PLAC1: variants seen among roughly 807,000 people sequenced by gnomAD.
The protein encoded by PLAC1 is placenta associated 1, also known as placenta-specific protein 1.
For synonymous variants in PLAC1, 68 were observed against 62.1 expected (o/e 1.09, Z -0.44); for missense variants, 136 against 163.2 (o/e 0.83, Z 0.91).
chrX:134,684,850 CA>C (rs2078510857), intron 2 of PLAC1, among the ~76,000 whole-genome samples: 2 of 112,031 alleles, frequency 1.8e-5, no homozygotes, highest in South Asian at 7.4e-4. Flanking sequence ...TGGACATGGT[CA>C]TCTATTTCAG....
chrX:134,746,950 G>T (rs2078730507), intron 1 of PLAC1, among the ~76,000 whole-genome samples: 1 of 111,779 alleles, frequency 8.9e-6, no homozygotes. Context: ...ATGTTCAAGG[G>T]GCTACAGGGT....
intron 2 of PLAC1, among the ~76,000 whole-genome samples, chrX:134,674,575 G>A (rs1427826621): frequency 8.9e-6 from 1 of 112,538 alleles, no homozygotes; most frequent in Non-Finnish European, 1.9e-5. Context: ...TGACCCACAA[G>A]CATCTGTGGT....
chrX:134,572,159 TACAAG>T (rs2077911285), intron 2 of PLAC1, among the ~76,000 whole-genome samples: 1 of 111,636 alleles, frequency 9.0e-6, no homozygotes, highest in Admixed American at 9.6e-5. Flanking sequence ...AAGATTCTTT[TACAAG>T]ACAAGAACGG....
intron 2 of PLAC1, among the ~76,000 whole-genome samples, chrX:134,684,411 T>TAAA (rs10606569): frequency 2.3e-4 from 19 of 80,971 alleles, no homozygotes; most frequent in African/African-American, 3.6e-4. Flanking sequence ...GCTCTGCCAC[T>TAAA]AAAAAAAAAA....
At chrX:134,742,385 C>T (rs927058263) in intron 1 of PLAC1, among the ~76,000 whole-genome samples, 4 of 111,723 alleles carry the variant, frequency 3.6e-5, no homozygotes, top group African/African-American at 1.3e-4. Context: ...GTCAGGTGTT[C>T]GAGACCAGCC....
chrX:134,602,739 A>C (rs1389636627), intron 1 of PLAC1, among the ~76,000 whole-genome samples: 1 of 110,680 alleles, frequency 9.0e-6, no homozygotes, highest in African/African-American at 3.3e-5. Flanking sequence ...TATATGATTC[A>C]ATTTCTGGGC....
At chrX:134,634,675 C>T (rs1436307749) in intron 1 of PLAC1, among the ~76,000 whole-genome samples, 1 of 112,025 alleles carries the variant, frequency 8.9e-6, no homozygotes, top group East Asian at 2.8e-4. Flanking sequence ...AAAGTTCATC[C>T]GTGTTGTGGC....
At chrX:134,631,432 C>T (rs749151020) in intron 1 of PLAC1, among the ~76,000 whole-genome samples, 6 of 112,093 alleles carry the variant, frequency 5.4e-5, no homozygotes, top group Admixed American at 2.8e-4. Flanking sequence ...ACGGATGGCC[C>T]TACTCTTGAA....
chrX:134,716,346 T>C (rs2078643275), intron 2 of PLAC1, among the ~76,000 whole-genome samples: 1 of 112,314 alleles, frequency 8.9e-6, no homozygotes, highest in African/African-American at 3.2e-5. Context: ...AAAAACTTAA[T>C]GTTGGCTTAT....
intron 2 of PLAC1, among the ~76,000 whole-genome samples, chrX:134,681,727 C>T (rs2078496641): frequency 9.0e-6 from 1 of 111,194 alleles, no homozygotes; most frequent in Non-Finnish European, 1.9e-5. Flanking sequence ...AGCACACTAT[C>T]TGGCACATAG....
At chrX:134,735,957 T>TAAA (rs766171376) in intron 1 of PLAC1, among the ~76,000 whole-genome samples, 5 of 83,954 alleles carry the variant, frequency 6.0e-5, no homozygotes, top group South Asian at 5.6e-4. Context: ...CTGTCTACCT[T>TAAA]AAAAAAAAAA....
intron 2 of PLAC1, among the ~76,000 whole-genome samples, chrX:134,729,724 G>A (rs774266309): frequency 1.8e-5 from 2 of 112,201 alleles, no homozygotes; most frequent in East Asian, 5.6e-4. Context: ...AAGAGCATAT[G>A]AGCCATTATG....
intron 1 of PLAC1, among the ~76,000 whole-genome samples, chrX:134,744,281 CAA>C (rs779609449): frequency 2.3e-4 from 12 of 51,407 alleles, no homozygotes; most frequent in Admixed American, 2.6e-4. Context: ...GACTCCATCT[CAA>C]AAAAAAAAAA....
At chrX:134,713,016 T>A (rs902826761) in intron 2 of PLAC1, among the ~76,000 whole-genome samples, 1 of 112,276 alleles carries the variant, frequency 8.9e-6, no homozygotes, top group Non-Finnish European at 1.9e-5. Context: ...TTATTATCAG[T>A]AACAAATTAC....
chrX:134,682,096 G>A (rs1006441192), intron 2 of PLAC1, among the ~76,000 whole-genome samples: 1 of 112,062 alleles, frequency 8.9e-6, no homozygotes, highest in Non-Finnish European at 1.9e-5. Flanking sequence ...CCATAACCAA[G>A]AAATCAAACT....
chrX:134,611,609 A>T (rs189783362), intron 1 of PLAC1, among the ~76,000 whole-genome samples: 1 of 109,099 alleles, frequency 9.2e-6, no homozygotes, highest in East Asian at 2.9e-4. Context: ...ATTTGCAATG[A>T]TATGCTTGCA....
intron 2 of PLAC1, among the ~76,000 whole-genome samples, chrX:134,698,585 C>A (rs763169789): frequency 8.9e-6 from 1 of 111,965 alleles, no homozygotes; most frequent in Admixed American, 9.4e-5. Context: ...GTCTCTTTTG[C>A]TATCTTCCCC....
At chrX:134,755,807 T>A (rs184988993) in intron 1 of PLAC1, among the ~76,000 whole-genome samples, 45 of 109,160 alleles carry the variant, frequency 4.1e-4, no homozygotes, top group Admixed American at 1.8e-3. Flanking sequence ...GTATACATTA[T>A]AAGTATTTTC....
At chrX:134,732,227 A>G (rs2078690905) in intron 2 of PLAC1, among the ~76,000 whole-genome samples, 1 of 111,434 alleles carries the variant, frequency 9.0e-6, no homozygotes, top group African/African-American at 3.3e-5. Flanking sequence ...TAAATCCAGC[A>G]TCTGAGAAGC....
Sources: allele counts gnomAD v4.1 joint callset (sites outside exome capture counted in the v4.1 genomes callset), GRCh38; gene constraint gnomAD v4.1.1; transcripts MANE v1.5; gene names NCBI Gene and HGNC (gene_info 2026-07-23, HGNC 2026-07-21).